The following FBXW5 variants were observed in gnomAD, a reference collection of about 807,000 sequenced individuals.
The protein encoded by FBXW5 is F-box and WD repeat domain containing 5, also known as F-box/WD repeat-containing protein 5.
FBXW5 carries 74 observed loss-of-function variants against 50.9 expected under a neutral mutation model. That is an observed-to-expected ratio of 1.45 (90% CI 1.20 to 1.76). The LOEUF (loss-of-function observed/expected upper bound fraction) is 1.76, where lower values mean the gene tolerates loss of function less well. FBXW5 is among the 40% of genes most tolerant of loss of function. The probability of loss-of-function intolerance (pLI) is 0.00; values close to 1 mark genes in which losing one functional copy is unlikely to be tolerated. For missense variants in FBXW5, 1,073 were observed against 818.8 expected (o/e 1.31, Z -3.79); for synonymous variants, 523 against 362.2 (o/e 1.44, Z -5.04).
chr9:136,944,055 G>T lies in FBXW5; in HGVS notation c.29C>A (p.Pro10His). 6.2e-7 allele frequency: 1 copy of T among 1,602,706 alleles called. No individual in the cohort carries two copies. Among genetic ancestry groups the T allele is most frequent in the Non-Finnish European group, 8.5e-7 (1 of 1,175,316 alleles). MDEGGTPLL[P>H]DSLVYQIFLS... ...GAAGATCTGGTAGACCAGGCTGTCGGGGAGCAGGGGCGTGCCGCCCTCGTC... is the reference window on the plus strand; with the variant it reads ...GAAGATCTGGTAGACCAGGCTGTCGTGGAGCAGGGGCGTGCCGCCCTCGTC... The change falls in exon 2 of 9, where the codon CCC becomes CAC. Residue 10 changes from proline to histidine, a missense_variant. Coordinates refer to ENST00000325285, the MANE Select transcript of FBXW5 (RefSeq NM_018998.4).
In FBXW5 at chr9:136,941,208, C is replaced by T. The variant is rs555399084; in HGVS notation, c.1458-37G>A. 1.3e-5 allele frequency: 20 copies of T among 1,598,400 alleles called. No homozygotes were observed. In the East Asian group the frequency reaches 1.6e-4, roughly 13 times the overall value. ...CGCCTGGGTGAGCCGGCCGCCCGCC[C>T]GCTGCTGCCCACACCCGCCCTGCAC... On this transcript the variant is annotated intron_variant, in intron 8 of 8. Transcript: ENST00000325285.
Position 136,942,074 on chromosome 9 carries a change from G to A in FBXW5, c.1068C>T (p.Gly356=), listed in dbSNP as rs748573444. The change falls in exon 6 of 9, where the codon GGC becomes GGT. Residue 356 remains glycine (G), a synonymous_variant. Coordinates refer to ENST00000325285, the MANE Select transcript of FBXW5 (RefSeq NM_018998.4). ...AKSKYLIFTT[G]CLTYSPHQIG... is the part of the protein sequence containing the mutation. ...TCTGGTGTGGGGAGTAGGTGAGGCAGCCAGTGGTGAAGATGAGGTACTTGC... is the reference window on the plus strand; with the variant it reads ...TCTGGTGTGGGGAGTAGGTGAGGCAACCAGTGGTGAAGATGAGGTACTTGC... 4 of 1,611,140 alleles carry A rather than the reference G, an allele frequency of 2.5e-6. No individual in the cohort carries two copies. In the East Asian group the frequency reaches 6.7e-5, roughly 27 times the overall value.
In FBXW5 at chr9:136,940,454, T is replaced by C. The variant is rs1850706597; in HGVS notation, c.*474A>G. ...ACAATGTGCTGTTGCCAACTGTTTA[T>C]TCAGGGCCCTGAACGGGTGGTGCGT... On this transcript the variant is annotated 3_prime_UTR_variant, in exon 9 of 9. Transcript: ENST00000325285. 4.8e-6 allele frequency: 1 copy of C among 208,830 alleles called. No homozygotes were observed. The highest frequency in any genetic ancestry group is 9.9e-6 in the Non-Finnish European group (1 of 101,022). The allele number at this position is 208,830 out of a possible 1,614,324, so 12.9% of individuals were successfully genotyped here.
In FBXW5 at chr9:136,942,158, G is replaced by A. The variant is rs769664887; in HGVS notation, c.984C>T (p.Ala328=). 4.1e-5 allele frequency: 66 copies of A among 1,604,572 alleles called. No homozygotes were observed. Among genetic ancestry groups the A allele is most frequent in the East Asian group, 6.7e-5 (3 of 44,464 alleles). ...TGGTGTGGCCCTGGGCCAGCAGCTC[G>A]GCCACCTTGGTCTCTAGCATGCGCT... ...LSERMLETKV[A]ELLAQGHTKP... Residue 328 remains alanine (A), a synonymous_variant, in exon 6 of 9, where the codon GCC becomes GCT. Coordinates refer to ENST00000325285, the MANE Select transcript of FBXW5 (RefSeq NM_018998.4).
Position 136,943,953 on chromosome 9 carries a change from A to T in FBXW5, c.131T>A (p.Phe44Tyr). ...GCGGTAGAACTGCTCCCTCCACAGG[A>T]ACTCGTCCCGCGACACGGCCTGCCA... ...RQWQAVSRDE[F>Y]LWREQFYRYY... The change falls in exon 2 of 9, where the codon TTC becomes TAC. Residue 44 changes from phenylalanine (F) to tyrosine (Y), a missense_variant. Phe to Tyr is a conservative substitution (Grantham distance 22, BLOSUM62 3). Transcript: ENST00000325285. 1 of 1,559,460 alleles carries T rather than the reference A, an allele frequency of 6.4e-7. No individual in the cohort carries two copies. The highest frequency in any genetic ancestry group is 1.2e-5 in the South Asian group (1 of 84,750).
Position 136,942,450 on chromosome 9 carries a change from TTC to T in FBXW5, c.690_691del (p.Asn231ArgfsTer33), listed in dbSNP as rs754480414. The T allele has an allele frequency of 1.2e-6, 2 of 1,600,010 alleles. No individual in the cohort carries two copies. The highest frequency in any genetic ancestry group is 3.4e-5 in the Admixed American group (2 of 59,598). ...GAACAGCCGCTTCACCACGTTGACGTTCTCTGACTCCACATCCTGGGGGCGGG... is the reference window on the plus strand; with the variant it reads ...GAACAGCCGCTTCACCACGTTGACGTTCTGACTCCACATCCTGGGGGCGGG... On this transcript the variant is annotated frameshift_variant, in exon 6 of 9. Coordinates refer to ENST00000325285, the MANE Select transcript of FBXW5 (RefSeq NM_018998.4). LOFTEE classifies it high-confidence loss of function.
Position 136,942,417 on chromosome 9 carries a change from T to C in FBXW5, c.725A>G (p.Gln242Arg). The change falls in exon 6 of 9, where the codon CAG (glutamine) becomes CGG (arginine). Residue 242 changes from glutamine (Q) to arginine (R), a missense_variant. By Grantham distance (43) the Gln-to-Arg change is conservative (BLOSUM62 1). Transcript: ENST00000325285. Reference protein sequence around the residue: ...VNVVKRLFKIQNLNASTVRTV... With the variant: ...VNVVKRLFKIRNLNASTVRTV... ...GCGGACGGTGCTGGCATTGAGGTTCTGGATCTTGAACAGCCGCTTCACCAC... is the reference window on the plus strand; with the variant it reads ...GCGGACGGTGCTGGCATTGAGGTTCCGGATCTTGAACAGCCGCTTCACCAC... 6.2e-7 allele frequency: 1 copy of C among 1,606,314 alleles called. No individual in the cohort carries two copies. The highest frequency in any genetic ancestry group is 8.5e-7 in the Non-Finnish European group (1 of 1,174,966).
At position 136,942,107 on chromosome 9, in the gene FBXW5, G is replaced by A. The variant is rs147614443; in HGVS notation, c.1035C>T (p.Gly345=). The change falls in exon 6 of 9, where the codon GGC becomes GGT. Residue 345 remains glycine, a synonymous_variant. Coordinates refer to ENST00000325285, the MANE Select transcript of FBXW5 (RefSeq NM_018998.4). ...TGAAGATGAGGTACTTGCTCTTGGCGCCTGTGGCACTGCGCTCGGGTGGCT... is the reference window on the plus strand; with the variant it reads ...TGAAGATGAGGTACTTGCTCTTGGCACCTGTGGCACTGCGCTCGGGTGGCT... The part of the protein sequence containing the change: ...HTKPPERSAT[G]AKSKYLIFTT... 126 of 1,612,650 alleles carry A rather than the reference G, an allele frequency of 7.8e-5. No individual in the cohort carries two copies. Among genetic ancestry groups the A allele is most frequent in the Middle Eastern group, 1.6e-4 (1 of 6,084 alleles).
Position 136,941,344 on chromosome 9 carries a change from T to G in FBXW5, c.1364A>C (p.Glu455Ala). The G allele has an allele frequency of 1.2e-6, 2 of 1,611,494 alleles. No homozygotes were observed. The highest frequency in any genetic ancestry group is 1.7e-6 in the Non-Finnish European group (2 of 1,179,888). Residue 455 changes from glutamate (E) to alanine (A), a missense_variant, in exon 8 of 9, where the codon GAG (glutamate) becomes GCG (alanine). By Grantham distance (107) the Glu-to-Ala change is moderately radical. Transcript: ENST00000325285. ...GTGCGCACGCAGAGCCCGCCTCACCTCCCGCATGGTCTTGAGGTCGAACAC... is the reference window on the plus strand; with the variant it reads ...GTGCGCACGCAGAGCCCGCCTCACCGCCCGCATGGTCTTGAGGTCGAACAC... ...LLVFDLKTMR[E>A]VRRALRAHRA...
rs1452242124 is a variant in FBXW5, at chr9:136,941,218, C to T, written c.1457+33G>A. 2.5e-6 allele frequency: 4 copies of T among 1,599,496 alleles called. No homozygotes were observed. In the African/African-American group the frequency reaches 4.0e-5, roughly 16 times the overall value. ...AGCCGGCCGCCCGCCCGCTGCTGCCCACACCCGCCCTGCACCACGCCGCGC... is the reference window on the plus strand; with the variant it reads ...AGCCGGCCGCCCGCCCGCTGCTGCCTACACCCGCCCTGCACCACGCCGCGC... On this transcript the variant is annotated intron_variant, in intron 8 of 8. Coordinates refer to ENST00000325285, the MANE Select transcript of FBXW5 (RefSeq NM_018998.4).
chr9:136,943,411 G>A lies in FBXW5; in HGVS notation c.289C>T (p.His97Tyr). Residue 97 changes from histidine (H) to tyrosine (Y), a missense_variant, in exon 3 of 9, where the codon CAC becomes TAC. By Grantham distance (83) the His-to-Tyr change is moderately conservative (BLOSUM62 2). Transcript: ENST00000325285. The part of the protein sequence containing the change: ...TLREHTDQVL[H>Y]LSFSHSGYQF... The stretch of plus-strand genomic sequence containing the variant: ...TACCCGGAATGGGAGAAGCTGAGGT[G>A]CAGGACCTGGTCTGTGTGTTCCCGC... 3 of 1,612,930 alleles carry A rather than the reference G, an allele frequency of 1.9e-6. No individual in the cohort carries two copies. The highest frequency in any genetic ancestry group is 2.5e-6 in the Non-Finnish European group (3 of 1,179,976).
At position 136,941,370 on chromosome 9, in the gene FBXW5, C is replaced by T. The variant is rs777973791; in HGVS notation, c.1338G>A (p.Leu446=). 22 of 1,611,632 alleles carry T rather than the reference C, an allele frequency of 1.4e-5. No homozygotes were observed. Among genetic ancestry groups the T allele is most frequent in the South Asian group, 5.5e-5 (5 of 91,094 alleles). Residue 446 remains leucine (L), a synonymous_variant, in exon 8 of 9, where the codon CTG becomes CTA. Coordinates refer to ENST00000325285, the MANE Select transcript of FBXW5 (RefSeq NM_018998.4). ...PPPIAEEIDL[L]VFDLKTMREV... ...CCCGCATGGTCTTGAGGTCGAACAC[C>T]AGCAGGTCAATCTCCTCCGCGATTG...
intron 2 of FBXW5, 114 bp from the exon 3 acceptor site, chr9:136,943,620 A>T: frequency 7.2e-7 from 1 of 1,392,214 alleles, no homozygotes; most frequent in South Asian, 1.4e-5. Context: ...GGAACCCACT[A>T]GTCATGGCAT....
At chr9:136,943,836 A>AGGGGCCC (rs753449171) in intron 2 of FBXW5, 55 bp downstream of exon 2, 109 of 1,521,768 alleles carry the variant, frequency 7.2e-5, no homozygotes, top group Non-Finnish European at 9.1e-5. Flanking sequence ...CCCCAAGCGC[A>AGGGGCCC]GGGGCCCGGG....
At position 136,942,389 on chromosome 9, in the gene FBXW5, C is replaced by G; in HGVS notation, c.753G>C (p.Thr251=). The G allele has an allele frequency of 6.2e-7, 1 of 1,611,378 alleles. No individual in the cohort carries two copies. ...AGCGGCTGCAGTCGGCCACCATCAC[C>G]GTGCGGACGGTGCTGGCATTGAGGT... is the stretch of plus-strand genomic sequence containing the variant. ...IQNLNASTVR[T]VMVADCSRFD... The change falls in exon 6 of 9, where the codon ACG becomes ACC. Residue 251 remains threonine (T), a synonymous_variant. Coordinates refer to ENST00000325285, the MANE Select transcript of FBXW5 (RefSeq NM_018998.4).
chr9:136,943,805 C>T lies in FBXW5; in HGVS notation c.193+86G>A, dbSNP rs750948150. ...AGCATGGACACGCGGGGCCGCGGGG[C>T]GGGCCCCCAGCCAGGCTGACCCCCA... On this transcript the variant is annotated intron_variant, in intron 2 of 8. Coordinates refer to ENST00000325285, the MANE Select transcript of FBXW5 (RefSeq NM_018998.4). 26 of 1,394,204 alleles carry T rather than the reference C, an allele frequency of 1.9e-5. No homozygotes were observed. In the Middle Eastern group the frequency reaches 7.3e-4, roughly 39 times the overall value. The allele number at this position is 1,394,204 out of a possible 1,614,324, so 86.4% of individuals were successfully genotyped here. A position where few individuals can be genotyped will look rare whatever the true frequency, so the allele number is the denominator to read the frequency against.
chr9:136,943,436 C>T lies in FBXW5; in HGVS notation c.264G>A (p.Leu88=), dbSNP rs1453533626. 1 of 1,612,854 alleles carries T rather than the reference C, an allele frequency of 6.2e-7. No homozygotes were observed. Among genetic ancestry groups the T allele is most frequent in the Non-Finnish European group, 8.5e-7 (1 of 1,179,950 alleles). Residue 88 remains leucine (L), a synonymous_variant, in exon 3 of 9, where the codon CTG becomes CTA. Coordinates refer to ENST00000325285, the MANE Select transcript of FBXW5 (RefSeq NM_018998.4). The part of the protein sequence containing the change: ...DTVPCVEVQT[L]REHTDQVLHL... Reference sequence around the variant, plus strand: ...GCAGGACCTGGTCTGTGTGTTCCCGCAGCGTCTGCACCTCCACGCAGGGCA... The same window carrying T: ...GCAGGACCTGGTCTGTGTGTTCCCGTAGCGTCTGCACCTCCACGCAGGGCA...
At position 136,944,594 on chromosome 9, in the gene FBXW5, C is replaced by T; in HGVS notation, c.-24G>A. 1 of 984,382 alleles carries T rather than the reference C, an allele frequency of 1.0e-6. No individual in the cohort carries two copies. The allele number at this position is 984,382 out of a possible 1,614,324, so 61.0% of individuals were successfully genotyped here. A position where few individuals can be genotyped will look rare whatever the true frequency, so the allele number is the denominator to read the frequency against. Reference sequence around the variant, plus strand: ...CCCCGAGGGCCGCAGGCGCACTCACCACGGCCGCCTCCGCCCGCTGCGCCG... The same window carrying T: ...CCCCGAGGGCCGCAGGCGCACTCACTACGGCCGCCTCCGCCCGCTGCGCCG... On this transcript the variant is annotated splice_region_variant and 5_prime_UTR_variant, in exon 1 of 9. It introduces an in-frame stop codon into an upstream open reading frame of the 5' UTR. Transcript: ENST00000325285.
At chr9:136,943,242 T>TGTGGGGGG in intron 3 of FBXW5, 107 bp downstream of exon 3, 1 of 1,213,758 alleles carries the variant, frequency 8.2e-7, no homozygotes, top group Non-Finnish European at 1.1e-6. Context: ...ACCTCTGGCC[T>TGTGGGGGG]GACCCACCCC....
Sources: allele counts gnomAD v4.1 joint callset, GRCh38; gene constraint gnomAD v4.1.1; transcripts MANE v1.5; gene names NCBI Gene and HGNC (gene_info 2026-07-23, HGNC 2026-07-21).